Variants in MCM4 observed in about 807,000 individuals in gnomAD.
MCM4 encodes the protein DNA replication licensing factor MCM4.
In MCM4, 60 loss-of-function variants were observed where a neutral mutation model predicts 88.7. The ratio of observed to expected loss-of-function variants is 0.68; its 90% CI spans 0.55 to 0.84. The LOEUF (loss-of-function observed/expected upper bound fraction) is 0.84. MCM4 is among the 40% of genes least tolerant of loss of function. The pLI is 0.00. For missense variants in MCM4, 1,149 were observed against 1,105.5 expected, an observed-to-expected ratio of 1.04 and a Z score of -0.56; for synonymous variants, 465 against 410.5, an observed-to-expected ratio of 1.13 and a Z score of -1.61.
At position 47,970,029 on chromosome 8, in the gene MCM4, G is replaced by C. The variant is rs117063344; in HGVS notation, c.1406G>C (p.Ser469Thr). 3,779 of 1,614,104 alleles carry C rather than the reference G, an allele frequency of 2.3e-3. 9 individuals carry two copies. Among genetic ancestry groups the C allele is most frequent in the Admixed American group, 3.3e-3 (198 of 60,000 alleles). The stretch of plus-strand genomic sequence containing the variant: ...AGGCTTGCTTCAGCCTTGGCTCCAA[G>C]CATTTATGAACATGAAGATATAAAG... ...YERLASALAP[S>T]IYEHEDIKKG... is the part of the protein sequence containing the mutation. The change falls in exon 11 of 17, where the codon AGC becomes ACC. Residue 469 changes from serine to threonine, a missense_variant. This residue lies in a region of MCM4 where 906 missense variants were observed against 843.0 expected (regional missense o/e 1.07). Coordinates refer to ENST00000649973, the MANE Select transcript of MCM4 (RefSeq NM_182746.3).
chr8:47,963,020 C>A lies in MCM4; in HGVS notation c.673C>A (p.Gln225Lys), dbSNP rs538726277. 1.1e-5 allele frequency: 17 copies of A among 1,599,306 alleles called. No homozygotes were observed. In the African/African-American group the frequency reaches 1.6e-4, roughly 15 times the overall value. ...IKSFDKNLYRQLISYPQEVIP... is the reference protein window; with the variant it reads ...IKSFDKNLYRKLISYPQEVIP... Reference sequence around the variant, plus strand: ...ATCATTTGACAAAAATTTGTACAGACAACTCATCTCTTACCCACAGGTAAG... The same window carrying A: ...ATCATTTGACAAAAATTTGTACAGAAAACTCATCTCTTACCCACAGGTAAG... Residue 225 changes from glutamine (Q) to lysine (K), a missense_variant, in exon 7 of 17, where the codon CAA (glutamine) becomes AAA (lysine). Transcript: ENST00000649973.
At chr8:47,976,638 G>GGA in intron 16 of MCM4, 48 bp from the exon 17 acceptor site, 1 of 1,324,650 alleles carries the variant, frequency 7.5e-7, no homozygotes, top group Non-Finnish European at 1.1e-6. Context: ...AACAGGTAAA[G>GGA]GAGGGACTTG....
At position 47,960,951 on chromosome 8, in the gene MCM4, A is replaced by C; in HGVS notation, c.-78A>C. 3.7e-6 allele frequency: 2 copies of C among 546,532 alleles called. No homozygotes were observed. Among genetic ancestry groups the C allele is most frequent in the Non-Finnish European group, 6.1e-6 (2 of 329,650 alleles). The allele number at this position is 546,532 out of a possible 1,614,324, so 33.9% of individuals were successfully genotyped here. ...GGAACTCTGGGTCTCGCGGTTTGGGAGCGCTACTCGCCAGGTGGACTCGGA... is the reference window on the plus strand; with the variant it reads ...GGAACTCTGGGTCTCGCGGTTTGGGCGCGCTACTCGCCAGGTGGACTCGGA... On this transcript the variant is annotated 5_prime_UTR_variant, in exon 1 of 17. Transcript: ENST00000649973.
At chr8:47,961,776 C>CTAA in intron 3 of MCM4, 96 bp downstream of exon 3, 6 of 1,410,876 alleles carry the variant, frequency 4.3e-6, no homozygotes, top group Non-Finnish European at 5.8e-6. Flanking sequence ...GGCATAACGC[C>CTAA]TAAAGCATCC....
In MCM4 at chr8:47,975,755, T is replaced by G; in HGVS notation, c.2406T>G (p.Ala802=). The part of the protein sequence containing the change: ...ATSRKRKEEL[A]EALKKLILSK... Reference sequence around the variant, plus strand: ...CTCGTAAACGGAAAGAAGAATTAGCTGAAGCATTGAAAAAGCTTATTTTAT... The same window carrying G: ...CTCGTAAACGGAAAGAAGAATTAGCGGAAGCATTGAAAAAGCTTATTTTAT... The change falls in exon 16 of 17, where the codon GCT becomes GCG. Residue 802 remains alanine (A), a synonymous_variant. Coordinates refer to ENST00000649973, the MANE Select transcript of MCM4 (RefSeq NM_182746.3). 6.3e-7 allele frequency: 1 copy of G among 1,582,854 alleles called. No homozygotes were observed. Among genetic ancestry groups the G allele is most frequent in the Non-Finnish European group, 8.5e-7 (1 of 1,169,824 alleles).
rs17334360 is a variant in MCM4, at chr8:47,963,934, T to C, written c.694-640T>C. Among the ~76,000 whole-genome samples, 462 of 152,330 alleles carry C rather than the reference T, an allele frequency of 3.0e-3. 3 individuals are homozygous for C. Among genetic ancestry groups the C allele is most frequent in the African/African-American group, 0.011 (440 of 41,578 alleles). On this transcript the variant is annotated intron_variant, in intron 7 of 16. Transcript: ENST00000649973. ...TTTGAATAAATATGATTTAACTTAC[T>C]TTGGTATCGCCAGGCACGGTGGCTC...
In MCM4 at chr8:47,962,106, T is replaced by C; in HGVS notation, c.289T>C (p.Ser97Pro). 6.2e-7 allele frequency: 1 copy of C among 1,614,168 alleles called. No homozygotes were observed. The highest frequency in any genetic ancestry group is 1.1e-5 in the South Asian group (1 of 91,084). ...SSPLTYGTPS[S>P]RVEGTPRSGV... The stretch of plus-strand genomic sequence containing the variant: ...ACCACTGACATACGGCACTCCCAGC[T>C]CTCGGGTAGAGGGAACCCCAAGAAG... The change falls in exon 4 of 17, where the codon TCT becomes CCT. Residue 97 changes from serine to proline, a missense_variant. Ser to Pro is a moderately conservative substitution (Grantham distance 74, BLOSUM62 -1). This residue lies in a region of MCM4 where 906 missense variants were observed against 843.0 expected (regional missense o/e 1.07). Coordinates refer to ENST00000649973, the MANE Select transcript of MCM4 (RefSeq NM_182746.3).
chr8:47,961,241 C>A, intron 2 of MCM4, 27 bp downstream of exon 2: 1 of 1,476,758 alleles, frequency 6.8e-7, no homozygotes, highest in Non-Finnish European at 8.9e-7. Flanking sequence ...GGGCCCACTA[C>A]AGCCCCCGGC....
chr8:47,967,510 A>G (rs1217582463), intron 10 of MCM4, 25 bp downstream of exon 10: 1 of 1,613,822 alleles, frequency 6.2e-7, no homozygotes, highest in East Asian at 2.2e-5. Context: ...TTGCACCAGC[A>G]CTTGAGCATG....
At chr8:47,962,684 T>C (rs1349712078) in intron 5 of MCM4, 80 bp from the exon 6 acceptor site, 1 of 791,440 alleles carries the variant, frequency 1.3e-6, no homozygotes, top group Non-Finnish European at 2.1e-6. Context: ...GATAGTGACA[T>C]ACTCATAACT....
Position 47,964,700 on chromosome 8 carries a change from C to A in MCM4, c.820C>A (p.Leu274Met). ...NALKTKNMRNLNPEDIDQLIT... is the reference protein window; with the variant it reads ...NALKTKNMRNMNPEDIDQLIT... The stretch of plus-strand genomic sequence containing the variant: ...ATTGAAGACTAAGAATATGAGAAAC[C>A]TGAATCCAGAAGGTAATGTATTTTT... The change falls in exon 8 of 17, where the codon CTG becomes ATG. Residue 274 changes from leucine (L) to methionine (M), a missense_variant. Coordinates refer to ENST00000649973, the MANE Select transcript of MCM4 (RefSeq NM_182746.3). The A allele has an allele frequency of 6.4e-7, 1 of 1,555,392 alleles. No individual in the cohort carries two copies. The highest frequency in any genetic ancestry group is 8.6e-7 in the Non-Finnish European group (1 of 1,156,088).
intron 9 of MCM4, among the ~76,000 whole-genome samples, chr8:47,966,770 T>TA (rs2090902332): frequency 6.6e-6 from 1 of 152,250 alleles, no homozygotes; most frequent in African/African-American, 2.4e-5. Flanking sequence ...TTTTACTGTC[T>TA]AAGAAGTTTG....
intron 9 of MCM4, 121 bp from the exon 10 acceptor site, chr8:47,967,244 A>T (rs557954915): frequency 1.7e-5 from 18 of 1,040,136 alleles, no homozygotes; most frequent in Non-Finnish European, 4.1e-6. Context: ...AAACATGGAC[A>T]ATCATTTATG....
chr8:47,965,214 C>CAA (rs113918401), intron 8 of MCM4, among the ~76,000 whole-genome samples: 11 of 125,482 alleles, frequency 8.8e-5, no homozygotes, highest in African/African-American at 2.6e-4. Flanking sequence ...GACCCTGTCT[C>CAA]AAAAAAAAAA....
intron 9 of MCM4, 135 bp from the exon 10 acceptor site, chr8:47,967,230 T>G: frequency 1.1e-6 from 1 of 950,808 alleles, no homozygotes; most frequent in Non-Finnish European, 1.5e-6. Context: ...AAGGAAATAA[T>G]GAGAAACATG....
At position 47,961,670 on chromosome 8, in the gene MCM4, G is replaced by T; in HGVS notation, c.225G>T (p.Met75Ile). 6.2e-7 allele frequency: 1 copy of T among 1,609,362 alleles called. No individual in the cohort carries two copies. The highest frequency in any genetic ancestry group is 2.2e-5 in the East Asian group (1 of 44,784). ...TGCTGTTTTCCAGCCCTCCCCAAAT[G>T]CATTCTTCAGGTGCGTGTCTGAAGA... ...QDVLFSSPPQ[M>I]HSSAIPLDFD... Residue 75 changes from methionine to isoleucine, a missense_variant, in exon 3 of 17, where the codon ATG (methionine) becomes ATT (isoleucine). This residue lies in a region of MCM4 where 906 missense variants were observed against 843.0 expected (regional missense o/e 1.07). Coordinates refer to ENST00000649973, the MANE Select transcript of MCM4 (RefSeq NM_182746.3).
At position 47,960,941 on chromosome 8, in the gene MCM4, G is replaced by C; in HGVS notation, c.-88G>C. 5.8e-6 allele frequency: 3 copies of C among 520,750 alleles called. No individual in the cohort carries two copies. Among genetic ancestry groups the C allele is most frequent in the Non-Finnish European group, 6.5e-6 (2 of 307,642 alleles). The allele number at this position is 520,750 out of a possible 1,614,324, so 32.3% of individuals were successfully genotyped here. On this transcript the variant is annotated 5_prime_UTR_variant, in exon 1 of 17. Coordinates refer to ENST00000649973, the MANE Select transcript of MCM4 (RefSeq NM_182746.3). ...GCCGCCGGCGGGAACTCTGGGTCTC[G>C]CGGTTTGGGAGCGCTACTCGCCAGG...
Position 47,970,631 on chromosome 8 carries a change from C to G in MCM4, c.1555C>G (p.Leu519Val), listed in dbSNP as rs1372485943. 6.2e-7 allele frequency: 1 copy of G among 1,614,148 alleles called. No homozygotes were observed. Among genetic ancestry groups the G allele is most frequent in the Admixed American group, 1.7e-5 (1 of 60,018 alleles). ...CGDPGTSKSQLLQYVYNLVPR... is the reference protein window; with the variant it reads ...CGDPGTSKSQVLQYVYNLVPR... ...CGACCCTGGTACCAGCAAGTCCCAGCTGCTGCAGTACGTGTACAACCTCGT... is the reference window on the plus strand; with the variant it reads ...CGACCCTGGTACCAGCAAGTCCCAGGTGCTGCAGTACGTGTACAACCTCGT... Residue 519 changes from leucine to valine, a missense_variant, in exon 12 of 17, where the codon CTG (leucine) becomes GTG (valine). Coordinates refer to ENST00000649973, the MANE Select transcript of MCM4 (RefSeq NM_182746.3).
chr8:47,961,579 C>T lies in MCM4; in HGVS notation c.134C>T (p.Thr45Met). 2.5e-6 allele frequency: 4 copies of T among 1,614,178 alleles called. No homozygotes were observed. The highest frequency in any genetic ancestry group is 1.1e-5 in the South Asian group (1 of 91,084). The change falls in exon 3 of 17, where the codon ACG (threonine) becomes ATG (methionine). Residue 45 changes from threonine (T) to methionine (M), a missense_variant. Thr to Met is a moderately conservative substitution (Grantham distance 81, BLOSUM62 -1). Transcript: ENST00000649973. The part of the protein sequence containing the change: ...QRRRGEDSTS[T>M]GELQPMPTSP... ...CGTAGAGGCGAGGATTCCACCTCCA[C>T]GGGGGAGTTGCAGCCGATGCCAACC... is the stretch of plus-strand genomic sequence containing the variant.
Sources: allele counts gnomAD v4.1 joint callset (sites outside exome capture counted in the v4.1 genomes callset), GRCh38; gene constraint gnomAD v4.1.1; regional missense constraint gnomAD v4.1.1; transcripts MANE v1.5; gene names NCBI Gene and HGNC (gene_info 2026-07-23, HGNC 2026-07-21).